CSMD1: variants seen among roughly 807,000 people sequenced by gnomAD.
CSMD1 encodes the protein CUB and sushi domain-containing protein 1.
A neutral mutation model predicts 417.5 loss-of-function variants in CSMD1; 213 were observed. The observed-to-expected ratio is 0.51, with a 90% CI of 0.46 to 0.57. The LOEUF (loss-of-function observed/expected upper bound fraction) is 0.57. Among genes scored for constraint, CSMD1 ranks in the 20% least tolerant of loss-of-function variants. CSMD1 has a pLI of 0.00. For synonymous variants in CSMD1, 2,862 were observed against 1,736.8 expected (o/e 1.65, Z -16.11); for missense variants, 6,923 against 4,529.7 (o/e 1.53, Z -15.17).
At chr8:3,723,394 TAGGACAG>T (rs1802296577) in intron 6 of CSMD1, among the ~76,000 whole-genome samples, 1 of 152,156 alleles carries the variant, frequency 6.6e-6, no homozygotes. Flanking sequence ...AAGCTAATCA[TAGGACAG>T]AGAACACATC....
At chr8:3,101,545 C>G (rs551161899) in intron 46 of CSMD1, among the ~76,000 whole-genome samples, 96 of 152,004 alleles carry the variant, frequency 6.3e-4, no homozygotes, top group Non-Finnish European at 1.2e-3. Context: ...GCCTCAGCCT[C>G]CGGAGTAGCT....
chr8:4,105,419 G>C (rs1032970190), intron 3 of CSMD1, among the ~76,000 whole-genome samples: 1 of 152,094 alleles, frequency 6.6e-6, no homozygotes, highest in African/African-American at 2.4e-5. Context: ...TTAGGAAAGA[G>C]CATGGACACT....
Position 3,734,649 on chromosome 8 carries a change from C to G in CSMD1, c.931+19281G>C, listed in dbSNP as rs150564224. On this transcript the variant is annotated intron_variant, in intron 6 of 69. Coordinates refer to ENST00000635120, the MANE Select transcript of CSMD1 (RefSeq NM_033225.6). Reference sequence around the variant, plus strand: ...TTGCTTGAACCTGGGAGGCGGAGGTCGCAGTGAGCCAAAACTACGCCACTG... The same window carrying G: ...TTGCTTGAACCTGGGAGGCGGAGGTGGCAGTGAGCCAAAACTACGCCACTG... 5.1e-3 allele frequency among the ~76,000 whole-genome samples: 774 copies of G among 152,188 alleles called. 7 individuals carry two copies. The highest frequency in any genetic ancestry group is 0.018 in the African/African-American group (739 of 41,512).
chr8:4,524,764 T>C (rs10108982), intron 2 of CSMD1, among the ~76,000 whole-genome samples: 133,086 of 152,114 alleles, frequency 0.87, 58,968 homozygotes, highest in East Asian at 0.99. Context: ...CATGATTCTA[T>C]CGACAAAGTA....
chr8:4,795,419 C>G (rs528245097), intron 1 of CSMD1, among the ~76,000 whole-genome samples: 1 of 151,378 alleles, frequency 6.6e-6, no homozygotes, highest in South Asian at 2.1e-4. Context: ...TTACAGGTAC[C>G]CAGCACCACG....
At chr8:3,760,090 G>T (rs989014453) in intron 5 of CSMD1, among the ~76,000 whole-genome samples, 1 of 151,966 alleles carries the variant, frequency 6.6e-6, no homozygotes, top group Non-Finnish European at 1.5e-5. Context: ...AAAAACAAGG[G>T]GGTTGAGAAG....
intron 41 of CSMD1, among the ~76,000 whole-genome samples, chr8:3,130,730 G>A (rs1585425972): frequency 1.3e-5 from 2 of 151,862 alleles, no homozygotes; most frequent in Non-Finnish European, 2.9e-5. Flanking sequence ...CCACCCCAGA[G>A]AGTGGCAGAC....
chr8:3,104,693 AC>A (rs200163740), intron 46 of CSMD1, among the ~76,000 whole-genome samples: 3,495 of 130,196 alleles, frequency 0.027, 130 homozygotes, highest in African/African-American at 0.091. Context: ...AAGTTATCAG[AC>A]TTTTTTTTTT....
chr8:3,853,894 C>G (rs62482678), intron 5 of CSMD1, among the ~76,000 whole-genome samples: 144,161 of 145,250 alleles, frequency 0.99, 71,546 homozygotes, highest in Middle Eastern at 1. Flanking sequence ...ATATATTATA[C>G]TTTAATATAT....
chr8:3,014,827 G>A (rs1386221863), intron 52 of CSMD1, among the ~76,000 whole-genome samples: 2 of 152,048 alleles, frequency 1.3e-5, no homozygotes, highest in African/African-American at 2.4e-5. Flanking sequence ...GAGGTGGGAG[G>A]AGCACTTGAG....
chr8:3,231,055 CG>C (rs1563165486), intron 26 of CSMD1, among the ~76,000 whole-genome samples: 2 of 151,978 alleles, frequency 1.3e-5, no homozygotes, highest in Admixed American at 6.6e-5. Flanking sequence ...ACTCTGCCTG[CG>C]CCTAATCACA....
intron 1 of CSMD1, among the ~76,000 whole-genome samples, chr8:4,718,139 T>A (rs1808807272): frequency 6.6e-6 from 1 of 152,078 alleles, no homozygotes; most frequent in Non-Finnish European, 1.5e-5. Flanking sequence ...ATGCCCAGCA[T>A]ATATTTTACA....
At chr8:3,485,405 G>A (rs538035035) in intron 11 of CSMD1, among the ~76,000 whole-genome samples, 2 of 152,000 alleles carry the variant, frequency 1.3e-5, no homozygotes, top group African/African-American at 4.8e-5. Context: ...AAAACAGGGA[G>A]TTGGCTATGA....
chr8:3,934,374 C>T (rs1048098840), intron 5 of CSMD1, among the ~76,000 whole-genome samples: 8 of 152,142 alleles, frequency 5.3e-5, no homozygotes, highest in Admixed American at 5.2e-4. Context: ...TAGTCTTGCA[C>T]TGATTTTTTC....
chr8:4,356,662 C>G (rs1348379412), intron 3 of CSMD1, among the ~76,000 whole-genome samples: 2 of 152,148 alleles, frequency 1.3e-5, no homozygotes, highest in East Asian at 3.9e-4. Flanking sequence ...TTCACATACA[C>G]CTGTTAGTGA....
At chr8:3,559,566 GT>G (rs1799379726) in intron 10 of CSMD1, among the ~76,000 whole-genome samples, 1 of 152,098 alleles carries the variant, frequency 6.6e-6, no homozygotes, top group Admixed American at 6.6e-5. Flanking sequence ...GGGTTTTTGT[GT>G]TTATAAACAC....
chr8:3,983,206 C>A lies in CSMD1; in HGVS notation c.818+14697G>T, dbSNP rs1433310784. On this transcript the variant is annotated intron_variant, in intron 5 of 69. Transcript: ENST00000635120. ...AGTGCAGTGGCGCGATCTCAGCTCA[C>A]TGCAAGCTCCACCTCCCGGGTTCAC... is the stretch of plus-strand genomic sequence containing the variant. Among the ~76,000 whole-genome samples, 8 of 150,628 alleles carry A rather than the reference C, an allele frequency of 5.3e-5. No homozygotes were observed. The East Asian group carries it at 1.6e-3, about 29-fold the overall frequency.
At chr8:3,777,123 C>T (rs1212637817) in intron 5 of CSMD1, among the ~76,000 whole-genome samples, 3 of 738 alleles carry the variant, frequency 4.1e-3, no homozygotes, top group African/African-American at 0.014. Context: ...TCTATACCTA[C>T]ACACACACAC....
intron 3 of CSMD1, among the ~76,000 whole-genome samples, chr8:4,091,612 T>C (rs1283239038): frequency 1.3e-5 from 2 of 152,052 alleles, no homozygotes; most frequent in South Asian, 2.1e-4. Flanking sequence ...TCACATAGAG[T>C]AGCAAGAAAA....
Sources: gnomAD v4.1 joint callset for allele counts (sites outside exome capture counted in the v4.1 genomes callset) on GRCh38, gnomAD v4.1.1 for gene constraint, MANE v1.5 for transcripts, NCBI Gene and HGNC (gene_info 2026-07-23, HGNC 2026-07-21) for gene names.